The following TENM1 variants were observed in gnomAD, a reference collection of about 807,000 sequenced individuals.
The protein encoded by TENM1 is teneurin-1.
In TENM1, 35 loss-of-function variants were observed where a neutral mutation model predicts 174.8. The observed-to-expected ratio is 0.20, with a 90% CI of 0.15 to 0.27. The LOEUF is 0.27. TENM1 is among the 10% of genes least tolerant of loss of function. TENM1 has a pLI of 1.00. For missense variants in TENM1, 1,633 were observed against 2,130.1 expected, an observed-to-expected ratio of 0.77 and a Z score of 4.59; for synonymous variants, 781 against 798.7, an observed-to-expected ratio of 0.98 and a Z score of 0.37.
intron 23 of TENM1, among the ~76,000 whole-genome samples, chrX:124,431,611 C>T (rs1650910392): frequency 8.9e-6 from 1 of 112,025 alleles, no homozygotes; most frequent in South Asian, 3.7e-4. Flanking sequence ...TGAGCTTCTT[C>T]AAATGTATAA....
chrX:125,190,602 AT>A, the TENM1 span, among the ~76,000 whole-genome samples: 5 of 111,821 alleles, frequency 4.5e-5, no homozygotes, highest in Non-Finnish European at 9.4e-5. Flanking sequence ...AAGTCAGAGA[AT>A]AGTTGGTCTT....
chrX:124,963,206 T>C (rs28497502), intron 1 of TENM1, among the ~76,000 whole-genome samples: 3,092 of 112,481 alleles, frequency 0.027, 120 homozygotes, highest in African/African-American at 0.096. Flanking sequence ...ATATAAGCAA[T>C]GGCTTGAAAA....
chrX:124,756,779 C>T lies in TENM1; in HGVS notation c.536-19582G>A, dbSNP rs779343153. Among the ~76,000 whole-genome samples the T allele has an allele frequency of 4.9e-3, 533 of 108,942 alleles. 6 individuals are homozygous for T. The highest frequency in any genetic ancestry group is 7.8e-3 in the Admixed American group (80 of 10,279). The allele number at this position is 108,942 out of a possible 115,157, so 94.6% of individuals were successfully genotyped here. ...ACTCCAGACCCTGTTTGCCTGGGTA[C>T]CAGCAGCAGTGGCTGCAGAACAGTG... On this transcript the variant is annotated intron_variant, in intron 3 of 31. Coordinates refer to ENST00000422452, the Ensembl canonical transcript of TENM1.
intron 23 of TENM1, among the ~76,000 whole-genome samples, chrX:124,446,306 G>A (rs930533934): frequency 6.2e-5 from 7 of 112,245 alleles, no homozygotes; most frequent in South Asian, 7.4e-4. Context: ...TAATCCCTCC[G>A]ACTAACAGTT....
intron 19 of TENM1, among the ~76,000 whole-genome samples, chrX:124,498,248 G>A (rs1156583301): frequency 1.8e-5 from 2 of 111,035 alleles, no homozygotes; most frequent in Non-Finnish European, 3.8e-5. Flanking sequence ...CCCTTAAAAT[G>A]TGTTGAAACC....
the TENM1 span, among the ~76,000 whole-genome samples, chrX:125,095,374 T>C: frequency 8.9e-6 from 1 of 112,052 alleles, no homozygotes. Context: ...ATAAATAAAG[T>C]ACATTTAAAA....
intron 5 of TENM1, among the ~76,000 whole-genome samples, chrX:124,703,241 A>G (rs767560539): frequency 3.2e-4 from 36 of 111,728 alleles, no homozygotes; most frequent in Middle Eastern, 4.6e-3. Context: ...GAGGTCTGAA[A>G]AATCTATGTT....
chrX:125,146,032 C>T, the TENM1 span, among the ~76,000 whole-genome samples: 1 of 111,732 alleles, frequency 8.9e-6, no homozygotes, highest in Non-Finnish European at 1.9e-5. Flanking sequence ...AGGATAAACA[C>T]CAATGTGATA....
chrX:124,964,194 G>C (rs781021234), upstream of TENM1, among the ~76,000 whole-genome samples: 41 of 112,389 alleles, frequency 3.6e-4, no homozygotes, highest in African/African-American at 1.1e-3. Flanking sequence ...GGAGTACAAA[G>C]ATTAACCCTG....
chrX:124,652,149 T>A, intron 7 of TENM1, 25 bp from the exon 11 acceptor site: 1 of 1,202,070 alleles, frequency 8.3e-7, no homozygotes, highest in South Asian at 1.8e-5. Flanking sequence ...AACATGAAGA[T>A]GAGCCACTAC....
At chrX:124,468,404 C>A (rs1167701475) in intron 22 of TENM1, among the ~76,000 whole-genome samples, 1 of 111,783 alleles carries the variant, frequency 8.9e-6, no homozygotes, top group Non-Finnish European at 1.9e-5. Context: ...TCTCGAACTC[C>A]TGACCTTGTA....
At chrX:124,705,015 A>G (rs2052863889) in exon 5 of TENM1, 2 of 1,194,858 alleles carry the variant, frequency 1.7e-6, no homozygotes, top group South Asian at 1.8e-5. Flanking sequence ...GGACTTACCA[A>G]TCACATAGGC....
intron 11 of TENM1, among the ~76,000 whole-genome samples, chrX:124,597,203 T>A (rs2049916639): frequency 9.0e-6 from 1 of 111,647 alleles, no homozygotes; most frequent in African/African-American, 3.3e-5. Context: ...TGTCATTATA[T>A]GGAAAAAGAC....
chrX:124,623,847 A>G (rs2050577849), intron 11 of TENM1, among the ~76,000 whole-genome samples: 1 of 111,886 alleles, frequency 8.9e-6, no homozygotes, highest in African/African-American at 3.3e-5. Flanking sequence ...TATTTAAAAG[A>G]CTATAATTAT....
At chrX:125,202,935 C>A in the TENM1 span, among the ~76,000 whole-genome samples, 2 of 112,163 alleles carry the variant, frequency 1.8e-5, no homozygotes, top group South Asian at 7.6e-4. Context: ...GTGCTTGGCG[C>A]TCGCAGATAT....
At chrX:125,036,718 T>A in the TENM1 span, among the ~76,000 whole-genome samples, 1 of 112,094 alleles carries the variant, frequency 8.9e-6, no homozygotes, top group African/African-American at 3.2e-5. Context: ...TGAAGCATGC[T>A]AATTTATTTT....
At chrX:124,589,877 G>A (rs1054231808) in intron 11 of TENM1, among the ~76,000 whole-genome samples, 2 of 110,987 alleles carry the variant, frequency 1.8e-5, no homozygotes, top group Non-Finnish European at 1.9e-5. Flanking sequence ...TTTTGGTTTT[G>A]TTAATTCTTT....
chrX:124,882,624 TATG>T (rs2057320742), intron 3 of TENM1, among the ~76,000 whole-genome samples: 1 of 112,630 alleles, frequency 8.9e-6, no homozygotes, highest in South Asian at 3.6e-4. Flanking sequence ...TTTATCATTA[TATG>T]ATGACATTTT....
At chrX:124,386,832 AG>A (rs2060225121) in intron 28 of TENM1, among the ~76,000 whole-genome samples, 1 of 109,794 alleles carries the variant, frequency 9.1e-6, no homozygotes, top group South Asian at 4.0e-4. Flanking sequence ...CTCCTGTCTC[AG>A]CCTCCTGAGT....
Sources: gnomAD v4.1 joint callset for allele counts (sites outside exome capture counted in the v4.1 genomes callset) on GRCh38, gnomAD v4.1.1 for gene constraint, MANE v1.5 for transcripts, NCBI Gene and HGNC (gene_info 2026-07-23, HGNC 2026-07-21) for gene names.